CA10: variants seen among roughly 807,000 people sequenced by gnomAD.
CA10 encodes carbonic anhydrase 10 (inactive), also known as carbonic anhydrase-related protein 10.
In CA10, 14 loss-of-function variants were observed where a neutral mutation model predicts 44.2. The ratio of observed to expected loss-of-function variants is 0.32; its 90% CI spans 0.21 to 0.50. The LOEUF (loss-of-function observed/expected upper bound fraction) is 0.50. CA10 is among the 20% of genes least tolerant of loss of function. The probability of loss-of-function intolerance (pLI) is 0.99; values close to 1 mark genes in which losing one functional copy is unlikely to be tolerated. For synonymous variants in CA10, 159 were observed against 141.6 expected (o/e 1.12, Z -0.87); for missense variants, 350 against 409.7 (o/e 0.85, Z 1.26).
At chr17:51,977,638 G>C (rs1984508475) in intron 2 of CA10, among the ~76,000 whole-genome samples, 1 of 151,994 alleles carries the variant, frequency 6.6e-6, no homozygotes, top group African/African-American at 2.4e-5. Flanking sequence ...AAAAGACACA[G>C]ATGTATATTG....
chr17:51,639,964 C>A (rs538637311), intron 6 of CA10, among the ~76,000 whole-genome samples: 14 of 152,338 alleles, frequency 9.2e-5, no homozygotes, highest in African/African-American at 3.4e-4. Flanking sequence ...AGGTTTGTCA[C>A]ATCCTCCTAC....
chr17:51,728,362 A>G (rs1326910786), intron 4 of CA10, among the ~76,000 whole-genome samples: 1 of 152,074 alleles, frequency 6.6e-6, no homozygotes, highest in South Asian at 2.1e-4. Flanking sequence ...TTCAGTTTCT[A>G]CTACTTTTTC....
At chr17:51,983,550 T>C (rs570145850) in intron 2 of CA10, among the ~76,000 whole-genome samples, 2 of 151,646 alleles carry the variant, frequency 1.3e-5, no homozygotes, top group East Asian at 3.9e-4. Flanking sequence ...AATCCCAGTT[T>C]ACAAAAAAAT....
At position 51,818,188 on chromosome 17, in the gene CA10, C is replaced by G. The variant is rs77672777; in HGVS notation, c.280-70370G>C. 3.9e-5 allele frequency among the ~76,000 whole-genome samples: 6 copies of G among 152,258 alleles called. No individual in the cohort carries two copies. In the South Asian group the frequency reaches 6.2e-4, roughly 16 times the overall value. On this transcript the variant is annotated intron_variant, in intron 3 of 8. Coordinates refer to ENST00000451037, the MANE Select transcript of CA10 (RefSeq NM_020178.5). ...TGAGCCTCACTCCATTCAACTGTCACGACAGAATTGTAATCCTTATCTTAC... is the reference window on the plus strand; with the variant it reads ...TGAGCCTCACTCCATTCAACTGTCAGGACAGAATTGTAATCCTTATCTTAC...
intron 1 of CA10, among the ~76,000 whole-genome samples, chr17:52,106,114 G>A (rs1432818341): frequency 6.6e-6 from 1 of 152,158 alleles, no homozygotes; most frequent in Admixed American, 6.5e-5. Context: ...TTGCTATAGG[G>A]GCTGGCCCGC....
chr17:51,926,832 G>T (rs1210299636), intron 3 of CA10, among the ~76,000 whole-genome samples: 1 of 152,194 alleles, frequency 6.6e-6, no homozygotes, highest in African/African-American at 2.4e-5. Context: ...GCTATGTAAA[G>T]TGACACATTT....
chr17:52,091,755 A>G (rs768020815), intron 1 of CA10, among the ~76,000 whole-genome samples: 31 of 152,174 alleles, frequency 2.0e-4, no homozygotes, highest in Non-Finnish European at 7.4e-5. Flanking sequence ...TGTATACACT[A>G]GAATTCAATT....
chr17:51,870,024 C>A (rs796970116), intron 3 of CA10, among the ~76,000 whole-genome samples: 25 of 152,296 alleles, frequency 1.6e-4, no homozygotes, highest in African/African-American at 6.0e-4. Context: ...CCTTCCTGCC[C>A]AAACCACTCT....
At chr17:51,910,193 G>A (rs948354197) in intron 3 of CA10, among the ~76,000 whole-genome samples, 2 of 152,042 alleles carry the variant, frequency 1.3e-5, no homozygotes, top group Admixed American at 1.3e-4. Flanking sequence ...CATGGTGAGA[G>A]GGCAGCATTA....
chr17:52,006,625 T>C lies in CA10; in HGVS notation c.136+65694A>G, dbSNP rs1395459923. ...CCTATCTGCATCTCCACATAACACA[T>C]AGCATTTGAGTTTTAAAAAGTTTTA... On this transcript the variant is annotated intron_variant, in intron 2 of 8. Coordinates refer to ENST00000451037, the MANE Select transcript of CA10 (RefSeq NM_020178.5). 3.9e-5 allele frequency among the ~76,000 whole-genome samples: 6 copies of C among 151,982 alleles called. No individual in the cohort carries two copies. The East Asian group carries it at 7.8e-4, about 20-fold the overall frequency.
At chr17:51,640,289 A>C (rs751105810) in intron 6 of CA10, among the ~76,000 whole-genome samples, 3 of 152,186 alleles carry the variant, frequency 2.0e-5, no homozygotes, top group South Asian at 2.1e-4. Context: ...GGAAGAGACG[A>C]CATCATTTAT....
chr17:51,761,643 T>C (rs1479364876), intron 3 of CA10: 1 of 152,218 alleles, frequency 6.6e-6, no homozygotes, highest in Non-Finnish European at 1.5e-5. Flanking sequence ...ATTTATTCTA[T>C]TCATCAAAGC....
intron 3 of CA10, among the ~76,000 whole-genome samples, chr17:51,904,204 A>T (rs558397504): frequency 2.0e-5 from 3 of 152,098 alleles, no homozygotes; most frequent in Non-Finnish European, 4.4e-5. Context: ...GCTCTTAAAA[A>T]AAAAAAACTC....
At chr17:52,121,797 G>A (rs1316161539) in intron 1 of CA10, among the ~76,000 whole-genome samples, 11 of 152,050 alleles carry the variant, frequency 7.2e-5, no homozygotes, top group African/African-American at 1.2e-4. Flanking sequence ...AAGCAAGCCC[G>A]TCTCCCAGAC....
intron 3 of CA10, among the ~76,000 whole-genome samples, chr17:51,856,983 A>G (rs1457292565): frequency 3.3e-5 from 5 of 152,192 alleles, no homozygotes; most frequent in Non-Finnish European, 7.3e-5. Flanking sequence ...CTGTGTGTAC[A>G]TGTGTTACAG....
chr17:51,742,644 TGAGA>T (rs1016305858), intron 4 of CA10, among the ~76,000 whole-genome samples: 1 of 151,670 alleles, frequency 6.6e-6, no homozygotes, highest in Non-Finnish European at 1.5e-5. Flanking sequence ...TCAGAGCCAC[TGAGA>T]GAGAGAGAGA....
At chr17:52,068,842 G>T (rs551880547) in intron 2 of CA10, among the ~76,000 whole-genome samples, 52 of 152,280 alleles carry the variant, frequency 3.4e-4, no homozygotes, top group African/African-American at 1.2e-3. Context: ...TATCACATAT[G>T]CATGACTATA....
In CA10 at chr17:52,109,666, A is replaced by G. The variant is rs117640411; in HGVS notation, c.62-37273T>C. On this transcript the variant is annotated intron_variant, in intron 1 of 8. Transcript: ENST00000451037. The stretch of plus-strand genomic sequence containing the variant: ...AGAGAGGGAGTTTAATGCAAGTCAC[A>G]TTCAATCCCATGAGCAAGTCTTTAA... Among the ~76,000 whole-genome samples, 387 of 152,364 alleles carry G rather than the reference A, an allele frequency of 2.5e-3. 1 individual carries two copies. Among genetic ancestry groups the G allele is most frequent in the Non-Finnish European group, 4.6e-3 (311 of 68,040 alleles).
chr17:52,006,092 C>T (rs2144126889), intron 2 of CA10, among the ~76,000 whole-genome samples: 1 of 151,916 alleles, frequency 6.6e-6, no homozygotes, highest in Non-Finnish European at 1.5e-5. Context: ...AAGGCACATA[C>T]TATAAAATCG....
Sources: gnomAD v4.1 joint callset for allele counts (sites outside exome capture counted in the v4.1 genomes callset) on GRCh38, gnomAD v4.1.1 for gene constraint, MANE v1.5 for transcripts, NCBI Gene and HGNC (gene_info 2026-07-23, HGNC 2026-07-21) for gene names.